NDST1: variants seen among roughly 807,000 people sequenced by gnomAD.
NDST1 encodes bifunctional heparan sulfate N-deacetylase/N-sulfotransferase 1.
Under a neutral mutation model 92.8 loss-of-function variants are expected in NDST1, and 35 were observed. The observed-to-expected ratio is 0.38, with a 90% CI of 0.29 to 0.50. The LOEUF is 0.50. NDST1 is among the 20% of genes least tolerant of loss of function. The pLI, the probability that NDST1 is intolerant of heterozygous loss-of-function variation, is 0.94. For missense variants in NDST1, 822 were observed against 1,182.7 expected, an observed-to-expected ratio of 0.69 and a Z score of 4.47; for synonymous variants, 493 against 500.3, an observed-to-expected ratio of 0.99 and a Z score of 0.19.
chr5:150,501,029 G>A (rs143906468), intron 1 of NDST1, among the ~76,000 whole-genome samples: 5 of 152,292 alleles, frequency 3.3e-5, no homozygotes, highest in African/African-American at 7.2e-5. Context: ...CAGCCACCCC[G>A]GAGGCATGAA....
intron 11 of NDST1, among the ~76,000 whole-genome samples, chr5:150,546,714 C>G (rs1180475311): frequency 6.6e-6 from 1 of 152,256 alleles, no homozygotes; most frequent in Non-Finnish European, 1.5e-5. Context: ...CGCCTGGGAC[C>G]TTGCGGTCTC....
chr5:150,509,327 T>C (rs1048922316), intron 1 of NDST1, among the ~76,000 whole-genome samples: 1 of 152,184 alleles, frequency 6.6e-6, no homozygotes, highest in East Asian at 1.9e-4. Context: ...TTTACTTCAC[T>C]GGGCATAAAT....
chr5:150,542,708 A>C, intron 9 of NDST1, 140 bp from the exon 10 acceptor site: 1 of 1,082,474 alleles, frequency 9.2e-7, no homozygotes, highest in Non-Finnish European at 1.4e-6. Flanking sequence ...CATTGCACAG[A>C]TGAAGAAGCT....
In NDST1 at chr5:150,539,332, C is replaced by A; in HGVS notation, c.1542C>A (p.Leu514=). The A allele has an allele frequency of 6.2e-7, 1 of 1,614,186 alleles. No individual in the cohort carries two copies. Among genetic ancestry groups the A allele is most frequent in the Non-Finnish European group, 8.5e-7 (1 of 1,180,042 alleles). ...ACAAGATCATCAACGGGGGCGAGCT[C>A]TTCCTCACCGTGCTCCTCAATCCTG... ...ELDKIINGGE[L]FLTVLLNPIS... The change falls in exon 7 of 15, where the codon CTC becomes CTA. Residue 514 remains leucine (L), a synonymous_variant. Transcript: ENST00000261797.
At chr5:150,524,747 C>G (rs1378771495) in intron 2 of NDST1, among the ~76,000 whole-genome samples, 1 of 152,240 alleles carries the variant, frequency 6.6e-6, no homozygotes, top group East Asian at 1.9e-4. Context: ...TGCTTGCATT[C>G]TACTTACCAG....
At chr5:150,514,372 C>G (rs751610498) in intron 1 of NDST1, among the ~76,000 whole-genome samples, 1 of 152,098 alleles carries the variant, frequency 6.6e-6, no homozygotes. Context: ...GAGTTCAAGA[C>G]CAGCCTGGCC....
At chr5:150,515,176 A>C (rs1339692567) in intron 1 of NDST1, among the ~76,000 whole-genome samples, 1 of 152,188 alleles carries the variant, frequency 6.6e-6, no homozygotes, top group Non-Finnish European at 1.5e-5. Context: ...CTGTACATAG[A>C]GATGCTGATG....
chr5:150,520,871 T>C lies in NDST1; in HGVS notation c.-384T>C. The C allele has an allele frequency of 2.1e-6, 1 of 467,280 alleles. No homozygotes were observed. Among genetic ancestry groups the C allele is most frequent in the Non-Finnish European group, 3.8e-6 (1 of 266,646 alleles). The allele number at this position is 467,280 out of a possible 1,614,324, so 28.9% of individuals were successfully genotyped here. ...CTGTTCTCTCCACTCTCCACAGCCT[T>C]AGCCCCGTGGGCCCCACGGAGTGAG... On this transcript the variant is annotated 5_prime_UTR_variant, in exon 2 of 15. Transcript: ENST00000261797.
intron 3 of NDST1, among the ~76,000 whole-genome samples, chr5:150,532,552 C>T (rs1033817564): frequency 2.6e-5 from 4 of 152,082 alleles, no homozygotes; most frequent in Non-Finnish European, 5.9e-5. Flanking sequence ...GAATCTCGCT[C>T]TGTCACCCAG....
chr5:150,506,665 G>A (rs902764122), upstream of NDST1, among the ~76,000 whole-genome samples: 3 of 152,106 alleles, frequency 2.0e-5, no homozygotes, highest in African/African-American at 4.8e-5. Flanking sequence ...AGAGAAAGCC[G>A]GGCCCACTTG....
intron 6 of NDST1, among the ~76,000 whole-genome samples, chr5:150,537,749 C>A (rs1755059235): frequency 6.6e-6 from 1 of 152,236 alleles, no homozygotes; most frequent in Non-Finnish European, 1.5e-5. Flanking sequence ...GCTCCCTCCC[C>A]TTTCGAAAAT....
At chr5:150,513,584 C>A (rs1466289101) in intron 1 of NDST1, among the ~76,000 whole-genome samples, 1 of 152,156 alleles carries the variant, frequency 6.6e-6, no homozygotes, top group Non-Finnish European at 1.5e-5. Context: ...TGTGCACAGC[C>A]CTTCTAAGGA....
rs543764374 is a variant in NDST1, at chr5:150,556,407, C to G, written c.*3075C>G. On this transcript the variant is annotated 3_prime_UTR_variant, in exon 15 of 15. Coordinates refer to ENST00000261797, the MANE Select transcript of NDST1 (RefSeq NM_001543.5). ...TTCTGGGCCCAGCTAAGGAAGCCAT[C>G]TGTTCCCAGCAGAGGAGAGCTGCTG... 3.3e-5 allele frequency: 5 copies of G among 152,342 alleles called. No homozygotes were observed. Among genetic ancestry groups the G allele is most frequent in the African/African-American group, 1.2e-4 (5 of 41,572 alleles). 9.4% of individuals were successfully genotyped at this position (152,342 alleles called of 1,614,324 possible). A position where few individuals can be genotyped will look rare whatever the true frequency, so the allele number is the denominator to read the frequency against.
At chr5:150,511,437 G>T (rs1340887658) in intron 1 of NDST1, among the ~76,000 whole-genome samples, 2 of 152,164 alleles carry the variant, frequency 1.3e-5, no homozygotes, top group Non-Finnish European at 2.9e-5. Flanking sequence ...TCCAGAGCAG[G>T]CTTGTTCACC....
intron 6 of NDST1, among the ~76,000 whole-genome samples, chr5:150,537,041 G>T (rs913759948): frequency 1.3e-5 from 2 of 152,178 alleles, no homozygotes; most frequent in Non-Finnish European, 2.9e-5. Context: ...CATGGCAGAA[G>T]AACATAAATT....
At chr5:150,533,096 A>C in intron 4 of NDST1, 64 bp downstream of exon 4, 13 of 1,471,358 alleles carry the variant, frequency 8.8e-6, no homozygotes, top group Non-Finnish European at 1.1e-5. Flanking sequence ...CAAACCCTCA[A>C]AGCACCCATC....
At chr5:150,549,657 A>G in intron 12 of NDST1, 21 bp from the exon 13 acceptor site, 1 of 1,532,880 alleles carries the variant, frequency 6.5e-7, no homozygotes, top group Non-Finnish European at 9.0e-7. Flanking sequence ...GCAGGTCCCG[A>G]TCCCCTTTCT....
Position 150,535,868 on chromosome 5 carries a change from A to G in NDST1, c.1420A>G (p.Ile474Val). 6.2e-7 allele frequency: 1 copy of G among 1,613,760 alleles called. No individual in the cohort carries two copies. The highest frequency in any genetic ancestry group is 8.5e-7 in the Non-Finnish European group (1 of 1,179,870). ...LKPARYRRGFIHNGIMVLPRQ... is the reference protein window; with the variant it reads ...LKPARYRRGFVHNGIMVLPRQ... The stretch of plus-strand genomic sequence containing the variant: ...GCCAGCCCGCTACCGCCGTGGCTTC[A>G]TCCACAATGGCATCATGGTGAGTGG... The change falls in exon 6 of 15, where the codon ATC (isoleucine) becomes GTC (valine). Residue 474 changes from isoleucine (I) to valine (V), a missense_variant. By Grantham distance (29) the Ile-to-Val change is conservative. Coordinates refer to ENST00000261797, the MANE Select transcript of NDST1 (RefSeq NM_001543.5).
intron 10 of NDST1, among the ~76,000 whole-genome samples, chr5:150,544,352 TG>T (rs77993342): frequency 0.024 from 3,682 of 152,330 alleles, 150 homozygotes; most frequent in East Asian, 0.16. Context: ...AAACAAAGCC[TG>T]TGTTTTCAAA....
Sources: gnomAD v4.1 joint callset for allele counts (sites outside exome capture counted in the v4.1 genomes callset) on GRCh38, gnomAD v4.1.1 for gene constraint, MANE v1.5 for transcripts, NCBI Gene and HGNC (gene_info 2026-07-23, HGNC 2026-07-21) for gene names.